The following BTD variants were observed in gnomAD, a reference collection of about 807,000 sequenced individuals.
The protein encoded by BTD is biotinidase.
A neutral mutation model predicts 17.7 loss-of-function variants in BTD; 13 were observed. The observed-to-expected ratio is 0.74, with a 90% CI of 0.48 to 1.17. The LOEUF (loss-of-function observed/expected upper bound fraction) is 1.17. Ranked by LOEUF, BTD falls within the 50% of genes most tolerant of loss-of-function variation. The pLI is 0.00. For synonymous variants in BTD, 240 were observed against 245.2 expected (o/e 0.98, Z 0.20); for missense variants, 674 against 650.4 (o/e 1.04, Z -0.39).
At chr3:15,721,188 G>A (rs2073684675) in intron 4 of BTD, 1 of 1,439,000 alleles carries the variant, frequency 6.9e-7, no homozygotes, top group Admixed American at 1.9e-5. Context: ...AATGTTGTGA[G>A]CTATTTTAGC....
Position 15,647,410 on chromosome 3 carries a change from C to T in BTD, c.*1922C>T, listed in dbSNP as rs2065721513. The T allele has an allele frequency of 6.6e-6, 1 of 152,250 alleles. No homozygotes were observed. The highest frequency in any genetic ancestry group is 2.4e-5 in the African/African-American group (1 of 41,466). The allele number at this position is 152,250 out of a possible 1,614,324, so 9.4% of individuals were successfully genotyped here. Reference sequence around the variant, plus strand: ...CAGAACTACTTCACCCAGTAAACATCTAATCAGCACCTGCAGGATCCTCAT... The same window carrying T: ...CAGAACTACTTCACCCAGTAAACATTTAATCAGCACCTGCAGGATCCTCAT... On this transcript the variant is annotated 3_prime_UTR_variant, in exon 4 of 4. Coordinates refer to ENST00000643237, the MANE Select transcript of BTD (RefSeq NM_001370658.1).
chr3:15,625,580 G>A (rs774713246), intron 1 of BTD, among the ~76,000 whole-genome samples: 3 of 152,154 alleles, frequency 2.0e-5, no homozygotes, highest in African/African-American at 4.8e-5. Flanking sequence ...GTTTTGAGAC[G>A]GAGTCTCACT....
At chr3:15,689,892 A>C in intron 3 of BTD, 1 of 799,056 alleles carries the variant, frequency 1.3e-6, no homozygotes, top group Non-Finnish European at 1.9e-6. Flanking sequence ...CAAATAATCC[A>C]TATATGATTT....
chr3:15,617,017 A>G (rs2064813732), intron 1 of BTD, among the ~76,000 whole-genome samples: 1 of 152,126 alleles, frequency 6.6e-6, no homozygotes, highest in Non-Finnish European at 1.5e-5. Flanking sequence ...TATTTTTAGT[A>G]GAGACGGGGG....
At chr3:15,627,378 A>G (rs2065092702) in intron 1 of BTD, among the ~76,000 whole-genome samples, 1 of 152,186 alleles carries the variant, frequency 6.6e-6, no homozygotes, top group African/African-American at 2.4e-5. Flanking sequence ...GCATGCCACC[A>G]TGCCCAGCTA....
At chr3:15,685,170 A>G in intron 3 of BTD, 1 of 1,576,894 alleles carries the variant, frequency 6.3e-7, no homozygotes, top group Non-Finnish European at 8.7e-7. Flanking sequence ...TAAATATGTC[A>G]TTCTTTTATC....
chr3:15,623,075 A>C (rs370380360), intron 1 of BTD, among the ~76,000 whole-genome samples: 1 of 152,232 alleles, frequency 6.6e-6, no homozygotes, highest in Non-Finnish European at 1.5e-5. Context: ...AGGAGCTTCC[A>C]TTTATAAAAC....
intron 3 of BTD, chr3:15,694,910 G>C: frequency 8.7e-7 from 1 of 1,150,142 alleles, no homozygotes; most frequent in South Asian, 1.3e-5. Flanking sequence ...AGTATTATTT[G>C]GCAACTCAGC....
chr3:15,657,380 A>T (rs1284417479), downstream of BTD, among the ~76,000 whole-genome samples: 2 of 152,204 alleles, frequency 1.3e-5, no homozygotes, highest in Non-Finnish European at 2.9e-5. Flanking sequence ...TAGCAGGCAT[A>T]GTAGCTCCTT....
At chr3:15,694,239 A>C (rs113715071) in intron 3 of BTD, among the ~76,000 whole-genome samples, 7 of 152,326 alleles carry the variant, frequency 4.6e-5, no homozygotes, top group African/African-American at 1.7e-4. Context: ...GGAATCTTAA[A>C]GTGGAAGGGA....
At chr3:15,666,870 G>A (rs140532427) in intron 3 of BTD, among the ~76,000 whole-genome samples, 71 of 152,268 alleles carry the variant, frequency 4.7e-4, no homozygotes, top group African/African-American at 1.6e-3. Context: ...CTTCCATGAC[G>A]CCTGTTCTGA....
chr3:15,715,290 C>T (rs559957784), downstream of BTD, among the ~76,000 whole-genome samples: 20 of 152,244 alleles, frequency 1.3e-4, no homozygotes, highest in Middle Eastern at 6.8e-3. Context: ...ATGTTACCAA[C>T]GCAAAGGAAA....
chr3:15,654,793 G>T (rs1031080284), downstream of BTD, among the ~76,000 whole-genome samples: 12 of 151,818 alleles, frequency 7.9e-5, no homozygotes, highest in African/African-American at 2.9e-4. Flanking sequence ...GGAGTACAAT[G>T]GCATGATCTT....
At position 15,641,954 on chromosome 3, in the gene BTD, A is replaced by G. The variant is rs397514353; in HGVS notation, c.296A>G (p.Asn99Ser). 7 of 1,613,894 alleles carry G rather than the reference A, an allele frequency of 4.3e-6. No individual in the cohort carries two copies. Among genetic ancestry groups the G allele is most frequent in the South Asian group, 3.3e-5 (3 of 91,012 alleles). The change falls in exon 3 of 4, where the codon AAC becomes AGC. Residue 99 changes from asparagine to serine, a missense_variant. Coordinates refer to ENST00000643237, the MANE Select transcript of BTD (RefSeq NM_001370658.1). Reference sequence around the variant, plus strand: ...CCAGAAGATGGCATTCATGGATTCAACTTTACAAGAACATCCATTTATCCA... The same window carrying G: ...CCAGAAGATGGCATTCATGGATTCAGCTTTACAAGAACATCCATTTATCCA... ...VFPEDGIHGFNFTRTSIYPFL... is the reference protein window; with the variant it reads ...VFPEDGIHGFSFTRTSIYPFL...
intron 1 of BTD, among the ~76,000 whole-genome samples, chr3:15,602,700 A>T (rs2064305755): frequency 6.6e-6 from 1 of 152,100 alleles, no homozygotes; most frequent in South Asian, 2.1e-4. Context: ...ACTGGAAGTG[A>T]AACGATTTCT....
chr3:15,610,237 A>G (rs1378368118), intron 1 of BTD, among the ~76,000 whole-genome samples: 3 of 152,222 alleles, frequency 2.0e-5, no homozygotes, highest in Non-Finnish European at 4.4e-5. Flanking sequence ...CCACTGGGAT[A>G]GCGGGCATAT....
intron 1 of BTD, among the ~76,000 whole-genome samples, chr3:15,614,552 A>G (rs2064737525): frequency 6.6e-6 from 1 of 150,526 alleles, no homozygotes; most frequent in African/African-American, 2.4e-5. Flanking sequence ...TCTAACGGCC[A>G]TGCCACAAAA....
intron 3 of BTD, chr3:15,694,905 T>C: frequency 1.6e-6 from 2 of 1,222,906 alleles, no homozygotes; most frequent in Non-Finnish European, 2.4e-6. Context: ...CTTAGAGTAT[T>C]ATTTGGCAAC....
chr3:15,602,206 G>A lies in BTD; in HGVS notation c.-17+312G>A, dbSNP rs1244094310. 8 of 1,372,276 alleles carry A rather than the reference G, an allele frequency of 5.8e-6. No individual in the cohort carries two copies. The South Asian group carries it at 1.0e-4, about 17-fold the overall frequency. The allele number at this position is 1,372,276 out of a possible 1,614,324, so 85.0% of individuals were successfully genotyped here. ...TGTGTACCCCAGCAAGAGATAAAAT[G>A]ACGCTCAGAGTCAGTAGATCCAGAC... is the stretch of plus-strand genomic sequence containing the variant. On this transcript the variant is annotated intron_variant, in intron 1 of 3. Transcript: ENST00000643237.
Sources: allele counts gnomAD v4.1 joint callset (sites outside exome capture counted in the v4.1 genomes callset), GRCh38; gene constraint gnomAD v4.1.1; transcripts MANE v1.5; gene names NCBI Gene and HGNC (gene_info 2026-07-23, HGNC 2026-07-21).